COMMD7: variants seen among roughly 807,000 people sequenced by gnomAD.
COMMD7 encodes the protein COMM domain-containing protein 7.
Under a neutral mutation model 34.8 loss-of-function variants are expected in COMMD7, and 28 were observed. The observed-to-expected ratio is 0.80, with a 90% CI of 0.60 to 1.10. The LOEUF is 1.10. Among genes scored for constraint, COMMD7 ranks in the 50% least tolerant of loss-of-function variants. The pLI is 0.00. For synonymous variants in COMMD7, 80 were observed against 86.4 expected (o/e 0.93, Z 0.41); for missense variants, 211 against 241.6 (o/e 0.87, Z 0.84).
intron 8 of COMMD7, 130 bp downstream of exon 8, chr20:32,703,891 CAG>C: frequency 6.4e-7 from 1 of 1,557,786 alleles, no homozygotes. Flanking sequence ...AGAGGAAAGG[CAG>C]TGGAACAGCT....
At chr20:32,728,778 A>T (rs1985673351) in intron 1 of COMMD7, among the ~76,000 whole-genome samples, 1 of 151,408 alleles carries the variant, frequency 6.6e-6, no homozygotes, top group Non-Finnish European at 1.5e-5. Flanking sequence ...GTTGCCCAGG[A>T]TGGTCTCAAA....
At chr20:32,713,109 T>C (rs936157355) in intron 3 of COMMD7, among the ~76,000 whole-genome samples, 1 of 151,086 alleles carries the variant, frequency 6.6e-6, no homozygotes, top group Non-Finnish European at 1.5e-5. Flanking sequence ...AGCACAATGG[T>C]GCAATCTCAG....
intron 1 of COMMD7, among the ~76,000 whole-genome samples, chr20:32,729,183 T>C (rs1294823779): frequency 6.6e-6 from 1 of 150,850 alleles, no homozygotes; most frequent in African/African-American, 2.4e-5. Flanking sequence ...TTTTTTTTTT[T>C]TTTTAGATGG....
chr20:32,712,105 A>G (rs1242352913), intron 3 of COMMD7, among the ~76,000 whole-genome samples: 1 of 151,322 alleles, frequency 6.6e-6, no homozygotes, highest in African/African-American at 2.4e-5. Context: ...CCCCATCTCT[A>G]CTAAAAATAC....
intron 1 of COMMD7, among the ~76,000 whole-genome samples, chr20:32,741,043 T>C (rs1287916249): frequency 2.6e-5 from 4 of 151,716 alleles, no homozygotes; most frequent in Non-Finnish European, 5.9e-5. Flanking sequence ...CTTGGGAGCC[T>C]GAGGCAAAAG....
At chr20:32,736,489 T>G (rs1459371457) in intron 1 of COMMD7, among the ~76,000 whole-genome samples, 1 of 151,068 alleles carries the variant, frequency 6.6e-6, no homozygotes, top group Non-Finnish European at 1.5e-5. Context: ...GCTAACACGG[T>G]GAAACCCCGT....
chr20:32,725,064 T>C (rs1242434766), intron 3 of COMMD7, among the ~76,000 whole-genome samples: 1 of 151,906 alleles, frequency 6.6e-6, no homozygotes, highest in African/African-American at 2.4e-5. Context: ...GTAAGGATGT[T>C]CACTGTGGCA....
At chr20:32,730,759 C>T (rs925024317) in intron 1 of COMMD7, among the ~76,000 whole-genome samples, 3 of 152,100 alleles carry the variant, frequency 2.0e-5, no homozygotes, top group Non-Finnish European at 4.4e-5. Context: ...CCAATACTAA[C>T]AGTAACACAT....
intron 1 of COMMD7, among the ~76,000 whole-genome samples, chr20:32,731,574 A>G (rs940042159): frequency 6.6e-6 from 1 of 152,094 alleles, no homozygotes; most frequent in African/African-American, 2.4e-5. Context: ...GACACTCCCA[A>G]CAAGAAAGGG....
intron 1 of COMMD7, among the ~76,000 whole-genome samples, chr20:32,735,253 A>G (rs144716957): frequency 0.011 from 1,629 of 151,960 alleles, 18 homozygotes; most frequent in Admixed American, 0.021. Flanking sequence ...ATTTTTTTTT[A>G]AAGGATACTC....
At chr20:32,737,837 T>TAA (rs11473460) in intron 1 of COMMD7, among the ~76,000 whole-genome samples, 66,562 of 140,874 alleles carry the variant, frequency 0.47, 15,975 homozygotes, top group African/African-American at 0.56. Flanking sequence ...GGTCCTGTCT[T>TAA]AAAAAAAAAA....
intron 1 of COMMD7, among the ~76,000 whole-genome samples, chr20:32,729,167 ATT>A (rs777073115): frequency 4.1e-4 from 51 of 122,904 alleles, no homozygotes; most frequent in Admixed American, 5.0e-4. Context: ...GCTTATTTTG[ATT>A]TTTTTTTTTT....
intron 1 of COMMD7, among the ~76,000 whole-genome samples, chr20:32,741,804 G>A (rs1227628068): frequency 6.6e-6 from 1 of 152,164 alleles, no homozygotes; most frequent in Admixed American, 6.5e-5. Flanking sequence ...GTCACATGCT[G>A]TATAGGTTTG....
chr20:32,730,804 A>G (rs1985793337), intron 1 of COMMD7, among the ~76,000 whole-genome samples: 1 of 152,186 alleles, frequency 6.6e-6, no homozygotes, highest in African/African-American at 2.4e-5. Flanking sequence ...GCTGGACGCT[A>G]AACAAATGGT....
Position 32,708,267 on chromosome 20 carries a change from T to C in COMMD7, c.242-1507A>G, listed in dbSNP as rs149921141. Reference sequence around the variant, plus strand: ...AACCACTCTCAAATTTTCCACTTTTTAGTTCACCAGAAAATGACTAATTAA... The same window carrying C: ...AACCACTCTCAAATTTTCCACTTTTCAGTTCACCAGAAAATGACTAATTAA... On this transcript the variant is annotated intron_variant, in intron 3 of 8. Coordinates refer to ENST00000278980, the MANE Select transcript of COMMD7 (RefSeq NM_053041.3). Among the ~76,000 whole-genome samples the C allele has an allele frequency of 8.5e-5, 13 of 152,246 alleles. No homozygotes were observed. The East Asian group carries it at 2.5e-3, about 29-fold the overall frequency.
chr20:32,706,956 AATTT>A (rs951461703), intron 3 of COMMD7, among the ~76,000 whole-genome samples, 196 bp from the exon 4 acceptor site: 2 of 151,984 alleles, frequency 1.3e-5, no homozygotes, highest in African/African-American at 4.8e-5. Context: ...TACATTTTAC[AATTT>A]ATTTATTTTA....
chr20:32,705,833 C>T lies in COMMD7; in HGVS notation c.336+750G>A, dbSNP rs77889956. On this transcript the variant is annotated intron_variant, in intron 5 of 8. Coordinates refer to ENST00000278980, the MANE Select transcript of COMMD7 (RefSeq NM_053041.3). ...CTTGAAGCCAGATGAAAACCTTAGG[C>T]TGGGGAAATGATGATACTGATAGGT... 4.2e-3 allele frequency among the ~76,000 whole-genome samples: 632 copies of T among 152,228 alleles called. 3 individuals carry two copies. Among genetic ancestry groups the T allele is most frequent in the African/African-American group, 0.015 (613 of 41,538 alleles).
intron 3 of COMMD7, among the ~76,000 whole-genome samples, chr20:32,719,434 A>C (rs1985015370): frequency 6.6e-6 from 1 of 152,150 alleles, no homozygotes; most frequent in Non-Finnish European, 1.5e-5. Context: ...GGATCACCTG[A>C]GGTCAGGAGT....
Position 32,704,496 on chromosome 20 carries a change from C to CAAA in COMMD7, c.428-10_428-8dup, listed in dbSNP as rs59379723. On this transcript the variant is annotated splice_polypyrimidine_tract_variant and splice_region_variant and intron_variant, in intron 6 of 8. Transcript: ENST00000278980. The stretch of plus-strand genomic sequence containing the variant: ...TCGCTGCTCCCAGATGTCACTGTGA[C>CAAA]AAAAAAAAAAAAAAAGAGAGAGAGA... The CAAA allele has an allele frequency of 1.8e-5, 25 of 1,404,400 alleles. No homozygotes were observed. The highest frequency in any genetic ancestry group is 1.0e-4 in the Admixed American group (4 of 39,514). The allele number at this position is 1,404,400 out of a possible 1,614,324, so 87.0% of individuals were successfully genotyped here.
Sources: allele counts gnomAD v4.1 joint callset (sites outside exome capture counted in the v4.1 genomes callset), GRCh38; gene constraint gnomAD v4.1.1; transcripts MANE v1.5; gene names NCBI Gene and HGNC (gene_info 2026-07-23, HGNC 2026-07-21).